Variants in CPNE8 observed in about 807,000 individuals in gnomAD.
CPNE8 encodes copine-8.
Under a neutral mutation model 81.5 loss-of-function variants are expected in CPNE8, and 45 were observed. That is an observed-to-expected ratio of 0.55 (90% CI 0.44 to 0.71). The LOEUF (loss-of-function observed/expected upper bound fraction) is 0.71. CPNE8 is among the 30% of genes least tolerant of loss of function. CPNE8 has a pLI of 0.00. For missense variants in CPNE8, 594 were observed against 672.1 expected, an observed-to-expected ratio of 0.88 and a Z score of 1.28; for synonymous variants, 252 against 226.3, an observed-to-expected ratio of 1.11 and a Z score of -1.02.
rs144224137 is a variant in CPNE8 at position 38,790,192 on chromosome 12, A to G, written c.408-13891T>C. Among the ~76,000 whole-genome samples, 1,427 of 151,850 alleles carry G rather than the reference A, an allele frequency of 9.4e-3. 20 individuals carry two copies. Among genetic ancestry groups the G allele is most frequent in the South Asian group, 0.041 (196 of 4,820 alleles). On this transcript the variant is annotated intron_variant, in intron 6 of 19. Coordinates refer to ENST00000331366, the MANE Select transcript of CPNE8 (RefSeq NM_153634.3). ...TGCAGCACTGTTTACAACAGTCAAG[A>G]TTGGAAAACCACGTAGAATAGATAC...
chr12:38,724,421 TCCCA>T (rs1940645656), intron 12 of CPNE8, among the ~76,000 whole-genome samples: 1 of 152,130 alleles, frequency 6.6e-6, no homozygotes, highest in African/African-American at 2.4e-5. Flanking sequence ...AGTACACCAT[TCCCA>T]CAGAGTTGTC....
chr12:38,818,343 T>C (rs1050121678), intron 6 of CPNE8, among the ~76,000 whole-genome samples: 1 of 152,162 alleles, frequency 6.6e-6, no homozygotes, highest in African/African-American at 2.4e-5. Context: ...TGTCCACGTG[T>C]TCTCATTGTT....
intron 15 of CPNE8, among the ~76,000 whole-genome samples, chr12:38,688,546 A>C (rs1310308302): frequency 6.6e-6 from 1 of 152,156 alleles, no homozygotes; most frequent in Admixed American, 6.6e-5. Context: ...AATTGCAAAA[A>C]TATGGAACCA....
At chr12:38,880,627 G>A (rs1944138955) in intron 1 of CPNE8, among the ~76,000 whole-genome samples, 1 of 152,018 alleles carries the variant, frequency 6.6e-6, no homozygotes, top group Non-Finnish European at 1.5e-5. Flanking sequence ...TTATTTGTAT[G>A]TATATATATT....
At chr12:38,794,804 T>C (rs1942415873) in intron 6 of CPNE8, among the ~76,000 whole-genome samples, 1 of 152,192 alleles carries the variant, frequency 6.6e-6, no homozygotes, top group African/African-American at 2.4e-5. Context: ...GGTTGAAGAA[T>C]ACAAAGTATT....
chr12:38,743,500 G>C (rs1941155778), intron 10 of CPNE8, among the ~76,000 whole-genome samples: 1 of 151,902 alleles, frequency 6.6e-6, no homozygotes, highest in Middle Eastern at 3.2e-3. Flanking sequence ...GCTTCCCTTT[G>C]TAATGATGTG....
chr12:38,906,113 A>C (rs1427366229), upstream of CPNE8: 2 of 986,140 alleles, frequency 2.0e-6, no homozygotes, highest in East Asian at 1.1e-4. Context: ...CCCCGTTATA[A>C]GGTCCCCCTC....
At chr12:38,729,955 A>T (rs1004123702) in intron 11 of CPNE8, among the ~76,000 whole-genome samples, 22 of 126,950 alleles carry the variant, frequency 1.7e-4, no homozygotes, top group Non-Finnish European at 3.2e-4. Flanking sequence ...CAAAAATGCT[A>T]ATCTTCTTCT....
chr12:38,797,253 G>A (rs530560869), intron 6 of CPNE8, among the ~76,000 whole-genome samples: 132 of 152,240 alleles, frequency 8.7e-4, no homozygotes, highest in East Asian at 2.1e-3. Flanking sequence ...CCTCAACTGC[G>A]TCCCTGACCC....
chr12:38,750,632 T>C (rs1196800878), intron 10 of CPNE8, among the ~76,000 whole-genome samples: 1 of 152,240 alleles, frequency 6.6e-6, no homozygotes, highest in Non-Finnish European at 1.5e-5. Context: ...GTAGCCCCTT[T>C]GTTTTGGCCA....
At chr12:38,704,255 T>G (rs1940028696) in intron 13 of CPNE8, among the ~76,000 whole-genome samples, 1 of 152,102 alleles carries the variant, frequency 6.6e-6, no homozygotes. Flanking sequence ...GAATCTAAAA[T>G]AAAAGTTGGA....
At chr12:38,681,829 G>A (rs1221940551) in intron 16 of CPNE8, among the ~76,000 whole-genome samples, 1 of 152,128 alleles carries the variant, frequency 6.6e-6, no homozygotes, top group Non-Finnish European at 1.5e-5. Context: ...TATGTCTCCT[G>A]TTGGTTCTGT....
chr12:38,798,199 C>G (rs911755297), intron 6 of CPNE8, among the ~76,000 whole-genome samples: 1 of 151,998 alleles, frequency 6.6e-6, no homozygotes, highest in Non-Finnish European at 1.5e-5. Flanking sequence ...ATACAGAGAA[C>G]GCCACAAAGA....
rs551222696 is a variant in CPNE8, at chr12:38,803,686, G to T, written c.407+25693C>A. Among the ~76,000 whole-genome samples, 760 of 150,134 alleles carry T rather than the reference G, an allele frequency of 5.1e-3. 8 individuals are homozygous for T. Among genetic ancestry groups the T allele is most frequent in the African/African-American group, 0.018 (731 of 40,958 alleles). ...AATCAGGCAGGAGAAGGAAATAAAG[G>T]GTATTCAATTAGGAAAAAAAGGAAG... On this transcript the variant is annotated intron_variant, in intron 6 of 19. Coordinates refer to ENST00000331366, the MANE Select transcript of CPNE8 (RefSeq NM_153634.3).
Position 38,653,622 on chromosome 12 carries a change from A to AAAAAAAAAAAAAAG in CPNE8, c.*259_*260insCTTTTTTTTTTTTT, listed in dbSNP as rs1938751592. ...TGGAAATTAGCTGTTTCTGTTAAAA[A>AAAAAAAAAAAAAAG]AAAAAAGAAAGAAAGATTTAGAGAA... On this transcript the variant is annotated 3_prime_UTR_variant, in exon 20 of 20. Coordinates refer to ENST00000331366, the MANE Select transcript of CPNE8 (RefSeq NM_153634.3). 3 of 282,274 alleles carry AAAAAAAAAAAAAAG rather than the reference A, an allele frequency of 1.1e-5. No homozygotes were observed. The highest frequency in any genetic ancestry group is 1.1e-4 in the Admixed American group (2 of 18,908). 17.5% of individuals were successfully genotyped at this position (282,274 alleles called of 1,614,324 possible).
At position 38,702,933 on chromosome 12, in the gene CPNE8, G is replaced by C; in HGVS notation, c.915-12C>G. On this transcript the variant is annotated splice_polypyrimidine_tract_variant and intron_variant, in intron 13 of 19. Coordinates refer to ENST00000331366, the MANE Select transcript of CPNE8 (RefSeq NM_153634.3). ...AATTGATTTGCGTCCTGGAATAGAA[G>C]TAAACAAGACTCATTAATAATGAAA... is the stretch of plus-strand genomic sequence containing the variant. 1 of 1,561,930 alleles carries C rather than the reference G, an allele frequency of 6.4e-7. No homozygotes were observed. Among genetic ancestry groups the C allele is most frequent in the Non-Finnish European group, 8.7e-7 (1 of 1,146,064 alleles).
chr12:38,733,079 A>G (rs1438431485), intron 10 of CPNE8, among the ~76,000 whole-genome samples: 1 of 152,030 alleles, frequency 6.6e-6, no homozygotes, highest in Non-Finnish European at 1.5e-5. Flanking sequence ...AGTCATAAAC[A>G]TAAGGCAGTA....
chr12:38,858,687 T>C (rs969717318), intron 3 of CPNE8, among the ~76,000 whole-genome samples: 2 of 152,190 alleles, frequency 1.3e-5, no homozygotes, highest in African/African-American at 4.8e-5. Context: ...CCAGCCCTGT[T>C]TTTGCTAGTC....
intron 6 of CPNE8, among the ~76,000 whole-genome samples, chr12:38,798,919 C>T (rs1232972618): frequency 6.6e-6 from 1 of 152,096 alleles, no homozygotes; most frequent in Non-Finnish European, 1.5e-5. Context: ...ATAAAACAGA[C>T]TTTAAACCAA....
Sources: allele counts gnomAD v4.1 joint callset (sites outside exome capture counted in the v4.1 genomes callset), GRCh38; gene constraint gnomAD v4.1.1; transcripts MANE v1.5; gene names NCBI Gene and HGNC (gene_info 2026-07-23, HGNC 2026-07-21).